CLDN10: variants seen among roughly 807,000 people sequenced by gnomAD.
CLDN10 encodes the protein claudin-10.
In CLDN10, 15 loss-of-function variants were observed where a neutral mutation model predicts 22.9. The observed-to-expected ratio is 0.65, with a 90% CI of 0.44 to 1.01. The LOEUF is 1.01. Among genes scored for constraint, CLDN10 ranks in the 50% least tolerant of loss-of-function variants. The pLI is 0.00. For missense variants in CLDN10, 247 were observed against 287.8 expected (o/e 0.86, Z 1.03); for synonymous variants, 114 against 111.4 (o/e 1.02, Z -0.15).
intron 1 of CLDN10, among the ~76,000 whole-genome samples, chr13:95,497,611 A>G (rs1386428004): frequency 1.3e-5 from 2 of 152,300 alleles, no homozygotes; most frequent in Non-Finnish European, 2.9e-5. Flanking sequence ...TCACAACCAT[A>G]CCTACCTCAC....
At chr13:95,456,847 A>G (rs2042486670) in intron 1 of CLDN10, among the ~76,000 whole-genome samples, 2 of 152,228 alleles carry the variant, frequency 1.3e-5, no homozygotes, top group Non-Finnish European at 2.9e-5. Flanking sequence ...GTTTGTAAAG[A>G]CAGATCACAA....
upstream of CLDN10, among the ~76,000 whole-genome samples, chr13:95,551,315 C>T (rs2043563656): frequency 6.6e-6 from 1 of 152,206 alleles, no homozygotes; most frequent in Non-Finnish European, 1.5e-5. Flanking sequence ...AGAATAGATA[C>T]GTTGCCATGC....
upstream of CLDN10, among the ~76,000 whole-genome samples, chr13:95,550,209 A>C (rs976634915): frequency 6.6e-6 from 1 of 152,226 alleles, no homozygotes; most frequent in Non-Finnish European, 1.5e-5. Context: ...ATCTGGGCTT[A>C]TGGATTTTTG....
intron 1 of CLDN10, among the ~76,000 whole-genome samples, chr13:95,483,800 AGT>A (rs2042775128): frequency 6.6e-6 from 1 of 152,164 alleles, no homozygotes; most frequent in Non-Finnish European, 1.5e-5. Flanking sequence ...CCCAGGCATG[AGT>A]GTGCTATGGT....
intron 1 of CLDN10, among the ~76,000 whole-genome samples, chr13:95,501,887 T>C (rs1196651667): frequency 6.6e-6 from 1 of 152,234 alleles, no homozygotes; most frequent in Non-Finnish European, 1.5e-5. Context: ...CTTCTCTGTT[T>C]ATTGAATAAT....
chr13:95,568,823 G>A (rs2043818723), intron 3 of CLDN10, among the ~76,000 whole-genome samples: 1 of 152,164 alleles, frequency 6.6e-6, no homozygotes, highest in African/African-American at 2.4e-5. Context: ...GACGGAGTGT[G>A]CTTGTGGTGA....
intron 1 of CLDN10, among the ~76,000 whole-genome samples, chr13:95,446,508 T>C (rs1214834029): frequency 1.3e-5 from 2 of 152,246 alleles, no homozygotes; most frequent in African/African-American, 4.8e-5. Context: ...GTTATGTTAA[T>C]GACATTCTAT....
intron 1 of CLDN10, among the ~76,000 whole-genome samples, chr13:95,445,580 A>G (rs1299132642): frequency 6.6e-6 from 1 of 152,218 alleles, no homozygotes. Context: ...AGGAAACTTG[A>G]TGGGCAGTGG....
intron 3 of CLDN10, among the ~76,000 whole-genome samples, chr13:95,572,067 G>C (rs529578065): frequency 2.4e-4 from 37 of 152,180 alleles, no homozygotes; most frequent in South Asian, 8.3e-4. Context: ...GCTTTGTTTT[G>C]GGAGTGGCTG....
In CLDN10 at chr13:95,555,047, G is replaced by GTTTTTTT. The variant is rs71211686; in HGVS notation, c.220+2088_220+2094dup. On this transcript the variant is annotated intron_variant, in intron 1 of 4. Transcript: ENST00000299339. ...ATTCTCACCACTCTGTGTTAATCCA[G>GTTTTTTT]TTTTTTTTTTTTTTTTTTTTGAGAC... 2.5e-3 allele frequency among the ~76,000 whole-genome samples: 270 copies of GTTTTTTT among 108,542 alleles called. 2 individuals are homozygous for GTTTTTTT. Among genetic ancestry groups the GTTTTTTT allele is most frequent in the Non-Finnish European group, 3.2e-3 (174 of 54,644 alleles). The allele number at this position is 108,542 out of a possible 152,430, so 71.2% of individuals were successfully genotyped here. A position where few individuals can be genotyped will look rare whatever the true frequency, so the allele number is the denominator to read the frequency against.
chr13:95,576,616 C>T (rs1013368065), intron 3 of CLDN10, among the ~76,000 whole-genome samples: 5 of 152,122 alleles, frequency 3.3e-5, no homozygotes, highest in African/African-American at 1.2e-4. Flanking sequence ...TGTTTCGTGG[C>T]CTTCCCAGGG....
At chr13:95,500,945 C>A (rs143357348) in intron 1 of CLDN10, among the ~76,000 whole-genome samples, 197 of 152,088 alleles carry the variant, frequency 1.3e-3, no homozygotes, top group Admixed American at 3.7e-3. Flanking sequence ...AGAGAGGGCG[C>A]GGCATGTAAG....
chr13:95,521,896 G>T (rs922740849), intron 1 of CLDN10, among the ~76,000 whole-genome samples: 1 of 151,918 alleles, frequency 6.6e-6, no homozygotes, highest in African/African-American at 2.4e-5. Flanking sequence ...TTGGTATGTT[G>T]TAATTTGGTG....
intron 1 of CLDN10, among the ~76,000 whole-genome samples, chr13:95,557,916 G>A (rs565786215): frequency 5.3e-5 from 8 of 152,132 alleles, no homozygotes; most frequent in Non-Finnish European, 1.0e-4. Flanking sequence ...AATGCATTCC[G>A]CGTTCTAAAT....
At chr13:95,564,881 G>A (rs6492811) in intron 3 of CLDN10, among the ~76,000 whole-genome samples, 138,928 of 152,222 alleles carry the variant, frequency 0.91, 63,512 homozygotes, top group African/African-American at 0.94. Context: ...TTCCCACCAC[G>A]TATCTGGGAA....
At position 95,536,148 on chromosome 13, in the gene CLDN10, T is replaced by G. The variant is rs532460552; in HGVS notation, c.215-23984T>G. 2.2e-3 allele frequency among the ~76,000 whole-genome samples: 331 copies of G among 149,512 alleles called. 2 individuals carry two copies. Among genetic ancestry groups the G allele is most frequent in the Non-Finnish European group, 3.3e-3 (224 of 67,692 alleles). ...AATATGTTTTAAATGTCTCTCAAGA[T>G]ATCTTTAAATACATTTGTGTATTTT... On this transcript the variant is annotated intron_variant, in intron 1 of 4. Transcript: ENST00000376873.
At chr13:95,531,638 C>A (rs1566320845) in intron 1 of CLDN10, among the ~76,000 whole-genome samples, 2 of 151,776 alleles carry the variant, frequency 1.3e-5, no homozygotes, top group Non-Finnish European at 2.9e-5. Flanking sequence ...TCAAGCGATT[C>A]TTCTACCTCC....
At chr13:95,477,958 T>G (rs554211886) in intron 1 of CLDN10, among the ~76,000 whole-genome samples, 9 of 152,308 alleles carry the variant, frequency 5.9e-5, no homozygotes, top group South Asian at 2.1e-4. Flanking sequence ...ATCTTTTGCC[T>G]AAAACAGTGG....
intron 1 of CLDN10, among the ~76,000 whole-genome samples, chr13:95,518,239 C>T (rs2043190237): frequency 6.6e-6 from 1 of 152,080 alleles, no homozygotes; most frequent in Non-Finnish European, 1.5e-5. Context: ...AGTGTTTAGT[C>T]GTTATTCTTT....
Sources: allele counts gnomAD v4.1 joint callset (sites outside exome capture counted in the v4.1 genomes callset), GRCh38; gene constraint gnomAD v4.1.1; transcripts MANE v1.5; gene names NCBI Gene and HGNC (gene_info 2026-07-23, HGNC 2026-07-21).